The following USP39 variants were observed in gnomAD, a reference collection of about 807,000 sequenced individuals.
The protein encoded by USP39 is ubiquitin specific peptidase 39, also known as ubiquitin carboxyl-terminal hydrolase 39.
In USP39, 38 loss-of-function variants were observed where a neutral mutation model predicts 66.4. The observed-to-expected ratio is 0.57, with a 90% confidence interval of 0.44 to 0.75. USP39 has a LOEUF of 0.75. Among genes scored for constraint, USP39 ranks in the 30% least tolerant of loss-of-function variants. The pLI is 0.00. For missense variants in USP39, 608 were observed against 714.4 expected, an observed-to-expected ratio of 0.85 and a Z score of 1.70; for synonymous variants, 303 against 274.6, an observed-to-expected ratio of 1.10 and a Z score of -1.02.
upstream of USP39, chr2:85,611,599 C>A: frequency 6.4e-7 from 1 of 1,553,894 alleles, no homozygotes. Flanking sequence ...TGGTTTTTCC[C>A]TATAGAGAAG....
chr2:85,608,306 A>G (rs1673291718), upstream of USP39: 1 of 152,226 alleles, frequency 6.6e-6, no homozygotes, highest in South Asian at 2.1e-4. Flanking sequence ...GGCCTCAAAA[A>G]TGGAGGTCTC....
chr2:85,624,249 G>C (rs1674679632), intron 4 of USP39, among the ~76,000 whole-genome samples: 1 of 152,036 alleles, frequency 6.6e-6, no homozygotes, highest in African/African-American at 2.4e-5. Context: ...TACTGAGCAT[G>C]GAAAGTCCTC....
At chr2:85,612,339 TG>T, upstream of USP39, 1 of 1,536,152 alleles carries the variant, frequency 6.5e-7, no homozygotes, top group East Asian at 2.4e-5. Context: ...CTTACGGCGG[TG>T]CCTTCCCATC....
intron 2 of USP39, among the ~76,000 whole-genome samples, chr2:85,620,493 A>G (rs1279854235): frequency 6.6e-6 from 1 of 151,816 alleles, no homozygotes; most frequent in African/African-American, 2.4e-5. Flanking sequence ...AAAAAAAACC[A>G]AAAAAGTTAT....
chr2:85,606,437 G>C (rs1311858698), intron 1 of USP39, among the ~76,000 whole-genome samples: 1 of 152,214 alleles, frequency 6.6e-6, no homozygotes, highest in Admixed American at 6.5e-5. Context: ...CTGAGGGGTG[G>C]CAGTAAGCAA....
chr2:85,620,148 A>G (rs994156267), intron 2 of USP39, among the ~76,000 whole-genome samples: 2 of 148,974 alleles, frequency 1.3e-5, no homozygotes, highest in South Asian at 2.3e-4. Context: ...ATGAGCCACC[A>G]CGCCCAGCCA....
chr2:85,646,131 C>T (rs1485288085), intron 11 of USP39: 1 of 152,206 alleles, frequency 6.6e-6, no homozygotes, highest in East Asian at 1.9e-4. Context: ...TTTAACGTGA[C>T]CCTCTGATTT....
upstream of USP39, chr2:85,611,278 G>T (rs564212875): frequency 2.8e-6 from 4 of 1,411,256 alleles, no homozygotes; most frequent in African/African-American, 2.9e-5. Flanking sequence ...TAACCAGTGT[G>T]ATCTCTAGGT....
At chr2:85,612,845 GA>G (rs1486493427), upstream of USP39, among the ~76,000 whole-genome samples, 1 of 151,900 alleles carries the variant, frequency 6.6e-6, no homozygotes, top group Non-Finnish European at 1.5e-5. Context: ...ATTTTTGGTA[GA>G]GATAAGGTTT....
At chr2:85,622,968 G>A (rs963525038) in intron 3 of USP39, among the ~76,000 whole-genome samples, 9 of 152,216 alleles carry the variant, frequency 5.9e-5, no homozygotes, top group African/African-American at 2.2e-4. Context: ...AGTTCTGTTA[G>A]ATCATAAAGA....
upstream of USP39, chr2:85,610,689 C>G (rs1340045067): frequency 6.6e-6 from 1 of 151,372 alleles, no homozygotes; most frequent in African/African-American, 2.4e-5. Flanking sequence ...GAGGCCGATG[C>G]GGGCAGATCA....
At chr2:85,608,903 G>T, upstream of USP39, 2 of 1,607,040 alleles carry the variant, frequency 1.2e-6, no homozygotes, top group Non-Finnish European at 8.5e-7. Context: ...GAATTCTTCC[G>T]AGTGCAGTGA....
intron 8 of USP39, 34 bp downstream of exon 8, chr2:85,637,470 C>T: frequency 2.6e-5 from 41 of 1,607,554 alleles, no homozygotes; most frequent in Non-Finnish European, 3.3e-5. Context: ...TGGACTGATT[C>T]ATATTGCTTG....
At chr2:85,607,926 T>A (rs1673277024), upstream of USP39, 3 of 152,234 alleles carry the variant, frequency 2.0e-5, no homozygotes, top group African/African-American at 7.2e-5. Context: ...GGATCTGAGT[T>A]ACATACTCCT....
chr2:85,612,048 G>A (rs1673587493), upstream of USP39: 11 of 1,235,432 alleles, frequency 8.9e-6, no homozygotes, highest in African/African-American at 6.2e-5. Flanking sequence ...CCCGCCCACA[G>A]AGCTCCGCGC....
rs1369891678 is a variant in USP39, at chr2:85,640,898, G to A, written c.1285-78G>A. 1.5e-5 allele frequency: 20 copies of A among 1,350,516 alleles called. No homozygotes were observed. In the South Asian group the frequency reaches 1.5e-4, roughly 10 times the overall value. 83.7% of individuals were successfully genotyped at this position (1,350,516 alleles called of 1,614,324 possible). On this transcript the variant is annotated intron_variant, in intron 9 of 12. Transcript: ENST00000323701. ...AGGCAAAATTATATTTTAAAAAATCGAAATGAAAAACTCATGCCCCTGCTC... is the reference window on the plus strand; with the variant it reads ...AGGCAAAATTATATTTTAAAAAATCAAAATGAAAAACTCATGCCCCTGCTC...
chr2:85,643,869 T>G (rs948067375), intron 10 of USP39, among the ~76,000 whole-genome samples: 1 of 152,018 alleles, frequency 6.6e-6, no homozygotes, highest in Non-Finnish European at 1.5e-5. Context: ...CCCAGGCTGG[T>G]TTCGAACTCC....
chr2:85,640,630 C>CT (rs1290808649), intron 9 of USP39, among the ~76,000 whole-genome samples: 10 of 139,558 alleles, frequency 7.2e-5, no homozygotes, highest in East Asian at 2.0e-4. Flanking sequence ...TTTTTTTTTT[C>CT]TTTTTTTTTC....
At chr2:85,618,357 T>A (rs1464706460) in intron 1 of USP39, among the ~76,000 whole-genome samples, 2 of 151,242 alleles carry the variant, frequency 1.3e-5, no homozygotes, top group Non-Finnish European at 3.0e-5. Context: ...AGGTCAGGAG[T>A]TCGAGACCAG....
Sources: allele counts gnomAD v4.1 joint callset (sites outside exome capture counted in the v4.1 genomes callset), GRCh38; gene constraint gnomAD v4.1.1; transcripts MANE v1.5; gene names NCBI Gene and HGNC (gene_info 2026-07-23, HGNC 2026-07-21).